Variants in BNIP2 observed in about 807,000 individuals in gnomAD.
BNIP2 encodes the protein BCL2 interacting protein 2, also known as BCL2/adenovirus E1B 19 kDa protein-interacting protein 2.
In BNIP2, 36 loss-of-function variants were observed where a neutral mutation model predicts 43.4. The ratio of observed to expected loss-of-function variants is 0.83; its 90% CI spans 0.64 to 1.10. BNIP2 has a LOEUF of 1.10. BNIP2 is among the 50% of genes least tolerant of loss of function. BNIP2 has a pLI of 0.00. For missense variants in BNIP2, 417 were observed against 374.1 expected (o/e 1.11, Z -0.95); for synonymous variants, 146 against 121.0 (o/e 1.21, Z -1.35).
Position 59,669,380 on chromosome 15 carries a change from A to C in BNIP2, c.708-18T>G, listed in dbSNP as rs778249080. 1.7e-4 allele frequency: 241 copies of C among 1,389,206 alleles called. No individual in the cohort carries two copies. Among genetic ancestry groups the C allele is most frequent in the Middle Eastern group, 9.3e-4 (5 of 5,394 alleles). 86.1% of individuals were successfully genotyped at this position (1,389,206 alleles called of 1,614,324 possible). A position where few individuals can be genotyped will look rare whatever the true frequency, so the allele number is the denominator to read the frequency against. On this transcript the variant is annotated intron_variant, in intron 7 of 9. Transcript: ENST00000607373. The stretch of plus-strand genomic sequence containing the variant: ...TCCGTAACCTGGAGTTTAAAAAAAA[A>C]ACACACACACACAAAGAAAATTAAA...
chr15:59,662,200 C>G lies in BNIP2; in HGVS notation c.*1869G>C, dbSNP rs1000643456. The G allele has an allele frequency of 1.3e-5, 2 of 152,126 alleles. No homozygotes were observed. Among genetic ancestry groups the G allele is most frequent in the African/African-American group, 2.4e-5 (1 of 41,426 alleles). The allele number at this position is 152,126 out of a possible 1,614,324, so 9.4% of individuals were successfully genotyped here. Reference sequence around the variant, plus strand: ...ATTAAAAACCTCAGCCCATTTTGAGCAAGATAAAGATGTACAGATGAAAGA... The same window carrying G: ...ATTAAAAACCTCAGCCCATTTTGAGGAAGATAAAGATGTACAGATGAAAGA... On this transcript the variant is annotated 3_prime_UTR_variant, in exon 10 of 10. Coordinates refer to ENST00000607373, the MANE Select transcript of BNIP2 (RefSeq NM_004330.4).
chr15:59,665,296 A>G (rs1892506194), intron 9 of BNIP2: 1 of 151,528 alleles, frequency 6.6e-6, no homozygotes. Flanking sequence ...AAAAGAATTT[A>G]ACATTCAAAA....
intron 1 of BNIP2, chr15:59,688,817 C>G: frequency 1.3e-6 from 2 of 1,534,950 alleles, no homozygotes; most frequent in African/African-American, 1.4e-5. Flanking sequence ...TTCACCCACA[C>G]CAGGGTAAAA....
At chr15:59,682,313 C>A (rs867576523) in intron 2 of BNIP2, 95 bp downstream of exon 2, 4 of 1,107,072 alleles carry the variant, frequency 3.6e-6, no homozygotes, top group African/African-American at 3.2e-5. Flanking sequence ...GGCAACAGAG[C>A]AAGACTCCGT....
chr15:59,665,927 C>A (rs1454980580), intron 9 of BNIP2, among the ~76,000 whole-genome samples: 2 of 151,852 alleles, frequency 1.3e-5, no homozygotes. Context: ...TGTGGTAAAG[C>A]CAAAGTAACA....
chr15:59,688,838 G>C (rs904068162), intron 1 of BNIP2: 1 of 1,529,530 alleles, frequency 6.5e-7, no homozygotes, highest in Non-Finnish European at 8.7e-7. Context: ...GGGTGGGGGA[G>C]CGGAGGAGGG....
Position 59,681,432 on chromosome 15 carries a change from TG to T in BNIP2, c.50+975del, listed in dbSNP as rs1182936708. Among the ~76,000 whole-genome samples the T allele has an allele frequency of 2.7e-5, 4 of 148,048 alleles. 1 individual carries two copies. The highest frequency in any genetic ancestry group is 4.3e-4 in the South Asian group (2 of 4,688). On this transcript the variant is annotated intron_variant, in intron 2 of 9. Coordinates refer to ENST00000607373, the MANE Select transcript of BNIP2 (RefSeq NM_004330.4). ...CTTAGTAAGGTTTTTTTTTTTTTGGTGGGGGGGAACCCACAAATTTTTTTTT... is the reference window on the plus strand; with the variant it reads ...CTTAGTAAGGTTTTTTTTTTTTTGGTGGGGGGAACCCACAAATTTTTTTTT...
Position 59,659,321 on chromosome 15 carries a change from C to T in BNIP2, c.*4748G>A, listed in dbSNP as rs150760492. On this transcript the variant is annotated 3_prime_UTR_variant, in exon 10 of 10. Transcript: ENST00000607373. ...CACATTAATATCTTGCACACACAGA[C>T]ATCAGAACTGAATTTCTGACAGTAC... is the stretch of plus-strand genomic sequence containing the variant. 6.6e-6 allele frequency: 1 copy of T among 152,330 alleles called. No homozygotes were observed. Among genetic ancestry groups the T allele is most frequent in the African/African-American group, 2.4e-5 (1 of 41,576 alleles). The allele number at this position is 152,330 out of a possible 1,614,324, so 9.4% of individuals were successfully genotyped here.
At chr15:59,684,318 T>C (rs1187718028) in intron 1 of BNIP2, among the ~76,000 whole-genome samples, 4 of 152,176 alleles carry the variant, frequency 2.6e-5, no homozygotes, top group African/African-American at 7.2e-5. Flanking sequence ...CATATAGGAG[T>C]AAGGTTTTTA....
chr15:59,679,882 A>G (rs1415765728), intron 3 of BNIP2, 114 bp from the exon 4 acceptor site: 1 of 1,000,960 alleles, frequency 1.0e-6, no homozygotes, highest in Admixed American at 3.6e-5. Flanking sequence ...TTAATTGAAC[A>G]TAATTTCAAA....
At chr15:59,680,192 A>C (rs1210223688) in intron 3 of BNIP2, 49 bp downstream of exon 3, 2 of 1,369,498 alleles carry the variant, frequency 1.5e-6, no homozygotes, top group Admixed American at 2.8e-5. Context: ...TGTTTTAAAA[A>C]ATAACACAAA....
chr15:59,670,061 CT>C (rs569916285), intron 7 of BNIP2, among the ~76,000 whole-genome samples: 1 of 152,204 alleles, frequency 6.6e-6, no homozygotes, highest in Non-Finnish European at 1.5e-5. Context: ...CCATTAAGTA[CT>C]GATGACTAAC....
Position 59,669,367 on chromosome 15 carries a change from AG to A in BNIP2, c.708-6del. 6.8e-7 allele frequency: 1 copy of A among 1,477,406 alleles called. No individual in the cohort carries two copies. The highest frequency in any genetic ancestry group is 2.4e-5 in the Admixed American group (1 of 41,746). The allele number at this position is 1,477,406 out of a possible 1,614,324, so 91.5% of individuals were successfully genotyped here. A position where few individuals can be genotyped will look rare whatever the true frequency, so the allele number is the denominator to read the frequency against. On this transcript the variant is annotated splice_region_variant and splice_polypyrimidine_tract_variant and intron_variant, in intron 7 of 9. Transcript: ENST00000607373. ...GATTTTAGATTTTTCCGTAACCTGG[AG>A]TTTAAAAAAAAAACACACACACACA...
intron 9 of BNIP2, among the ~76,000 whole-genome samples, chr15:59,667,176 G>A (rs1346597649): frequency 1.3e-5 from 2 of 152,154 alleles, no homozygotes; most frequent in African/African-American, 4.8e-5. Context: ...TCATATAGAA[G>A]TGTAAAACTG....
At chr15:59,673,079 G>C (rs1893036096) in intron 5 of BNIP2, among the ~76,000 whole-genome samples, 1 of 150,720 alleles carries the variant, frequency 6.6e-6, no homozygotes, top group Admixed American at 6.6e-5. Flanking sequence ...TAACTGCAAT[G>C]TATTTTTATT....
rs1247824664 is a variant in BNIP2 at position 59,661,367 on chromosome 15, G to A, written c.*2702C>T. 1 of 148,954 alleles carries A rather than the reference G, an allele frequency of 6.7e-6. No individual in the cohort carries two copies. The highest frequency in any genetic ancestry group is 2.5e-5 in the African/African-American group (1 of 40,370). 9.2% of individuals were successfully genotyped at this position (148,954 alleles called of 1,614,324 possible). The stretch of plus-strand genomic sequence containing the variant: ...AAAAAAAAGAGAGGGCACACATACA[G>A]TGGCATCTTAGGTAACAACTATGTC... On this transcript the variant is annotated 3_prime_UTR_variant, in exon 10 of 10. Transcript: ENST00000607373.
At chr15:59,684,079 T>G (rs1218945985) in intron 1 of BNIP2, among the ~76,000 whole-genome samples, 2 of 152,150 alleles carry the variant, frequency 1.3e-5, no homozygotes, top group Non-Finnish European at 2.9e-5. Context: ...AATGACAAAA[T>G]TACAATGGAA....
chr15:59,671,120 T>C (rs1892876395), intron 7 of BNIP2, 63 bp downstream of exon 7: 7 of 1,395,626 alleles, frequency 5.0e-6, no homozygotes, highest in South Asian at 1.5e-5. Flanking sequence ...AAAAACAAAG[T>C]TTGATTTCCT....
At position 59,672,628 on chromosome 15, in the gene BNIP2, T is replaced by C; in HGVS notation, c.575+9A>G. On this transcript the variant is annotated intron_variant, in intron 6 of 9. Coordinates refer to ENST00000607373, the MANE Select transcript of BNIP2 (RefSeq NM_004330.4). ...TCTGTCCAAATGTTTTTGTTTAATA[T>C]ATACTTACTTAAAAAGATTGTCCAT... 1.3e-6 allele frequency: 2 copies of C among 1,595,730 alleles called. No homozygotes were observed. Among genetic ancestry groups the C allele is most frequent in the Non-Finnish European group, 1.7e-6 (2 of 1,164,064 alleles).
Sources: allele counts gnomAD v4.1 joint callset (sites outside exome capture counted in the v4.1 genomes callset), GRCh38; gene constraint gnomAD v4.1.1; transcripts MANE v1.5; gene names NCBI Gene and HGNC (gene_info 2026-07-23, HGNC 2026-07-21).